The following KIAA0825 variants were observed in gnomAD, a reference collection of about 807,000 sequenced individuals.
KIAA0825 encodes the protein uncharacterized protein KIAA0825.
Under a neutral mutation model 147.6 loss-of-function variants are expected in KIAA0825, and 119 were observed. The ratio of observed to expected loss-of-function variants is 0.81; its 90% CI spans 0.69 to 0.94. The LOEUF (loss-of-function observed/expected upper bound fraction) is 0.94, where lower values mean the gene tolerates loss of function less well. Ranked by LOEUF, KIAA0825 falls within the 40% of genes least tolerant of loss-of-function variation. The probability of loss-of-function intolerance (pLI) is 0.00; values close to 1 mark genes in which losing one functional copy is unlikely to be tolerated. For missense variants in KIAA0825, 1,381 were observed against 1,472.7 expected, an observed-to-expected ratio of 0.94 and a Z score of 1.02; for synonymous variants, 470 against 518.1, an observed-to-expected ratio of 0.91 and a Z score of 1.26.
chr5:94,268,801 AT>A (rs1387503294), intron 20 of KIAA0825, among the ~76,000 whole-genome samples: 1 of 151,998 alleles, frequency 6.6e-6, no homozygotes, highest in Non-Finnish European at 1.5e-5. Context: ...CTAATATTTG[AT>A]TTATATCTCT....
intron 20 of KIAA0825, among the ~76,000 whole-genome samples, chr5:94,303,413 GAAAC>G (rs1407805309): frequency 5.2e-5 from 5 of 96,974 alleles, no homozygotes; most frequent in African/African-American, 1.5e-4. Context: ...CAATGAAAAA[GAAAC>G]AAACCACCAC....
At chr5:94,161,559 G>C (rs572569295) in intron 20 of KIAA0825, among the ~76,000 whole-genome samples, 1 of 152,142 alleles carries the variant, frequency 6.6e-6, no homozygotes, top group Admixed American at 6.5e-5. Context: ...GTCAATTTTG[G>C]TCAATTAACC....
At chr5:94,172,226 G>A (rs1040787811) in intron 20 of KIAA0825, among the ~76,000 whole-genome samples, 2 of 152,110 alleles carry the variant, frequency 1.3e-5, no homozygotes, top group Non-Finnish European at 2.9e-5. Flanking sequence ...GTCAATCTTG[G>A]ACTTGAACTC....
intron 12 of KIAA0825, among the ~76,000 whole-genome samples, chr5:94,456,027 A>G (rs1269810934): frequency 5.9e-5 from 9 of 152,174 alleles, no homozygotes; most frequent in Admixed American, 1.3e-4. Flanking sequence ...TGCTGGTACA[A>G]TGTGACAAGA....
In KIAA0825 at chr5:94,302,607, T is replaced by C. The variant is rs573129091; in HGVS notation, c.3710+81761A>G. On this transcript the variant is annotated intron_variant, in intron 20 of 20. Coordinates refer to ENST00000682413, the MANE Select transcript of KIAA0825 (RefSeq NM_001145678.3). The stretch of plus-strand genomic sequence containing the variant: ...ATCTGGTTGCTTATGGATAAAGACA[T>C]TTTTTTCTCTTTGCCTTGGATTGTT... Among the ~76,000 whole-genome samples the C allele has an allele frequency of 7.2e-5, 11 of 152,224 alleles. 1 individual carries two copies. In the East Asian group the frequency reaches 2.1e-3, roughly 29 times the overall value.
At chr5:94,205,299 A>ATATATATATT (rs1254935243) in intron 20 of KIAA0825, among the ~76,000 whole-genome samples, 8 of 137,910 alleles carry the variant, frequency 5.8e-5, no homozygotes, top group African/African-American at 2.2e-4. Context: ...ATATATATAT[A>ATATATATATT]TTTTGTTTTG....
intron 2 of KIAA0825, among the ~76,000 whole-genome samples, chr5:94,577,410 T>C (rs191256345): frequency 2.0e-4 from 30 of 152,318 alleles, no homozygotes; most frequent in Admixed American, 3.3e-4. Context: ...CTTATTTCAA[T>C]ACCTGTCTTT....
Position 94,403,651 on chromosome 5 carries a change from A to C in KIAA0825, c.2805T>G (p.Ile935Met), listed in dbSNP as rs1437106331. ...RNCETNLNKH[I>M]VPDCLLESMP... ...TGCTCTCAAGCAAACAATCAGGAAC[A>C]ATGTGCTTGTTTAGGTTTGTCTCAC... Residue 935 changes from isoleucine (I) to methionine (M), a missense_variant, in exon 16 of 21, where the codon ATT becomes ATG. Physicochemically the swap from Ile to Met is conservative, Grantham distance 10. Coordinates refer to ENST00000682413, the MANE Select transcript of KIAA0825 (RefSeq NM_001145678.3). 6.4e-7 allele frequency: 1 copy of C among 1,551,476 alleles called. No homozygotes were observed. The highest frequency in any genetic ancestry group is 8.7e-7 in the Non-Finnish European group (1 of 1,146,894).
intron 20 of KIAA0825, among the ~76,000 whole-genome samples, chr5:94,276,189 A>T (rs942985603): frequency 2.0e-5 from 3 of 152,138 alleles, no homozygotes; most frequent in African/African-American, 7.2e-5. Context: ...AAGAACATAA[A>T]CTAGGAAAGA....
At chr5:94,531,397 C>T (rs560512900) in intron 3 of KIAA0825, among the ~76,000 whole-genome samples, 155 of 152,256 alleles carry the variant, frequency 1.0e-3, no homozygotes, top group Admixed American at 3.0e-3. Flanking sequence ...GTCTTTTTCC[C>T]ACTTACCACC....
At chr5:94,281,088 C>T (rs1777439431) in intron 20 of KIAA0825, among the ~76,000 whole-genome samples, 1 of 151,926 alleles carries the variant, frequency 6.6e-6, no homozygotes, top group African/African-American at 2.4e-5. Flanking sequence ...TTAAAATACA[C>T]ATTTATAGCA....
At chr5:94,185,909 A>G (rs924077320) in intron 20 of KIAA0825, among the ~76,000 whole-genome samples, 1 of 152,192 alleles carries the variant, frequency 6.6e-6, no homozygotes, top group African/African-American at 2.4e-5. Flanking sequence ...CTACCATAAC[A>G]TTATTTGGAG....
chr5:94,401,243 CTT>C (rs35458877), intron 16 of KIAA0825, among the ~76,000 whole-genome samples: 7 of 144,322 alleles, frequency 4.9e-5, no homozygotes, highest in Admixed American at 7.0e-5. Context: ...CCCCACAATT[CTT>C]TTTTTTTTTT....
chr5:94,492,492 G>A (rs1763850927), intron 5 of KIAA0825, among the ~76,000 whole-genome samples: 1 of 152,108 alleles, frequency 6.6e-6, no homozygotes, highest in South Asian at 2.1e-4. Flanking sequence ...CATTTACCAT[G>A]TCACATTACA....
chr5:94,234,088 C>T (rs938685270), intron 20 of KIAA0825, among the ~76,000 whole-genome samples: 1 of 152,078 alleles, frequency 6.6e-6, no homozygotes, highest in Non-Finnish European at 1.5e-5. Context: ...TAAAGTGGGC[C>T]GGGCGCGGTG....
At chr5:94,601,725 T>C (rs1379598576) in intron 1 of KIAA0825, among the ~76,000 whole-genome samples, 1 of 152,026 alleles carries the variant, frequency 6.6e-6, no homozygotes. Context: ...AAAAACACCA[T>C]ACAACAATTT....
At chr5:94,516,529 C>T (rs770781958) in intron 5 of KIAA0825, among the ~76,000 whole-genome samples, 1 of 152,058 alleles carries the variant, frequency 6.6e-6, no homozygotes, top group South Asian at 2.1e-4. Context: ...GTGGGCCGGG[C>T]GCGGTGGCTC....
intron 5 of KIAA0825, among the ~76,000 whole-genome samples, chr5:94,517,841 T>G (rs1209147129): frequency 1.3e-5 from 2 of 152,052 alleles, no homozygotes; most frequent in African/African-American, 4.8e-5. Flanking sequence ...AAATATCCTA[T>G]TTTTCAGTCA....
chr5:94,293,870 C>T (rs549033165), intron 20 of KIAA0825, among the ~76,000 whole-genome samples: 8 of 152,140 alleles, frequency 5.3e-5, no homozygotes, highest in East Asian at 1.9e-4. Flanking sequence ...ATGTAATGCC[C>T]TTCTTTGTCT....
Sources: allele counts gnomAD v4.1 joint callset (sites outside exome capture counted in the v4.1 genomes callset), GRCh38; gene constraint gnomAD v4.1.1; transcripts MANE v1.5; gene names NCBI Gene and HGNC (gene_info 2026-07-23, HGNC 2026-07-21).